The following ITPR2 variants were observed in gnomAD, a reference collection of about 807,000 sequenced individuals.
ITPR2 encodes the protein inositol 1,4,5-trisphosphate receptor type 2, also known as inositol 1,4,5-trisphosphate-gated calcium channel ITPR2.
Under a neutral mutation model 317.1 loss-of-function variants are expected in ITPR2, and 207 were observed. The observed-to-expected ratio is 0.65, with a 90% CI of 0.58 to 0.73. The LOEUF is 0.73. ITPR2 is among the 30% of genes least tolerant of loss of function. The probability of loss-of-function intolerance (pLI) is 0.00; values close to 1 mark genes in which losing one functional copy is unlikely to be tolerated. For missense variants in ITPR2, 2,613 were observed against 3,284.0 expected (o/e 0.80, Z 4.99); for synonymous variants, 1,156 against 1,149.1 (o/e 1.01, Z -0.12).
At chr12:26,661,828 G>A (rs1057324160) in intron 15 of ITPR2, among the ~76,000 whole-genome samples, 3 of 152,210 alleles carry the variant, frequency 2.0e-5, no homozygotes, top group Middle Eastern at 3.4e-3. Flanking sequence ...CCGATACTGG[G>A]AGCATCCCCT....
chr12:26,486,424 A>AC (rs1386253723), intron 40 of ITPR2, 64 bp from the exon 41 acceptor site: 14 of 1,358,696 alleles, frequency 1.0e-5, no homozygotes, highest in East Asian at 2.3e-5. Flanking sequence ...AAAAAAAAAA[A>AC]AACAAACCAG....
At chr12:26,372,279 C>T (rs1939209101) in intron 55 of ITPR2, among the ~76,000 whole-genome samples, 1 of 152,108 alleles carries the variant, frequency 6.6e-6, no homozygotes, top group South Asian at 2.1e-4. Flanking sequence ...TTATCCATTG[C>T]CCTAGATCAT....
chr12:26,687,807 C>T (rs553890399), intron 10 of ITPR2, among the ~76,000 whole-genome samples: 7 of 152,102 alleles, frequency 4.6e-5, no homozygotes, highest in Non-Finnish European at 8.8e-5. Flanking sequence ...AGGTAGCTCC[C>T]GTCATCTTTG....
At chr12:26,702,979 T>C (rs1350816192) in intron 9 of ITPR2, among the ~76,000 whole-genome samples, 1 of 152,240 alleles carries the variant, frequency 6.6e-6, no homozygotes, top group Non-Finnish European at 1.5e-5. Context: ...ATTTCCAGCA[T>C]ATCAAATGGT....
chr12:26,474,134 A>G (rs544629599), intron 45 of ITPR2, among the ~76,000 whole-genome samples: 1 of 152,366 alleles, frequency 6.6e-6, no homozygotes, highest in South Asian at 2.1e-4. Flanking sequence ...AAAAGGGCAT[A>G]AGAAATGTCT....
Position 26,742,233 on chromosome 12 carries a change from G to A in ITPR2, c.164-16468C>T, listed in dbSNP as rs556230056. ...ATCACAGCCCATTGATTGGATAAGC[G>A]ATAAATAAATAGTGGTATGGTCACA... is the stretch of plus-strand genomic sequence containing the variant. On this transcript the variant is annotated intron_variant, in intron 2 of 56. Coordinates refer to ENST00000381340, the MANE Select transcript of ITPR2 (RefSeq NM_002223.4). Among the ~76,000 whole-genome samples, 12 of 152,290 alleles carry A rather than the reference G, an allele frequency of 7.9e-5. No individual in the cohort carries two copies. In the South Asian group the frequency reaches 1.5e-3, roughly 18 times the overall value.
At chr12:26,554,677 T>C (rs965742549) in intron 36 of ITPR2, among the ~76,000 whole-genome samples, 18 of 152,228 alleles carry the variant, frequency 1.2e-4, no homozygotes, top group African/African-American at 3.4e-4. Context: ...ATTTACTGAA[T>C]TTAACAGGTT....
intron 55 of ITPR2, among the ~76,000 whole-genome samples, chr12:26,358,999 C>T (rs1938732858): frequency 2.0e-5 from 3 of 152,238 alleles, no homozygotes; most frequent in Admixed American, 2.0e-4. Flanking sequence ...ACTTTCATCC[C>T]TTTCTGCTCC....
intron 37 of ITPR2, among the ~76,000 whole-genome samples, chr12:26,500,105 T>C (rs979892873): frequency 1.3e-5 from 2 of 152,262 alleles, no homozygotes; most frequent in Non-Finnish European, 2.9e-5. Flanking sequence ...TCTTGTCAAC[T>C]ATCCAGTTCT....
intron 37 of ITPR2, among the ~76,000 whole-genome samples, chr12:26,539,885 A>T (rs771643123): frequency 3.3e-5 from 5 of 152,256 alleles, no homozygotes; most frequent in Non-Finnish European, 5.9e-5. Flanking sequence ...GGATAGGACT[A>T]GGGAAGGTCA....
intron 21 of ITPR2, among the ~76,000 whole-genome samples, chr12:26,644,570 G>A (rs189400039): frequency 1.2e-4 from 19 of 152,260 alleles, no homozygotes; most frequent in Admixed American, 3.9e-4. Flanking sequence ...GCAAAGGAGG[G>A]GCAAAGTCAT....
Position 26,682,564 on chromosome 12 carries a change from T to C in ITPR2, c.1248+10A>G, listed in dbSNP as rs371854490. On this transcript the variant is annotated intron_variant, in intron 12 of 56. Transcript: ENST00000381340. ...TGGCTGAAAATTAAACCATCTTCAG[T>C]GACATTTACCTTTAACATAACAGGC... 1.9e-6 allele frequency: 3 copies of C among 1,552,008 alleles called. No individual in the cohort carries two copies. Among genetic ancestry groups the C allele is most frequent in the Non-Finnish European group, 2.7e-6 (3 of 1,129,442 alleles).
At chr12:26,751,391 T>C (rs1949413498) in intron 2 of ITPR2, among the ~76,000 whole-genome samples, 1 of 152,138 alleles carries the variant, frequency 6.6e-6, no homozygotes, top group Non-Finnish European at 1.5e-5. Context: ...AGAACTACTT[T>C]TACAGTTACT....
intron 2 of ITPR2, among the ~76,000 whole-genome samples, chr12:26,765,949 T>G (rs1949712113): frequency 6.6e-6 from 1 of 152,176 alleles, no homozygotes; most frequent in Admixed American, 6.5e-5. Flanking sequence ...CCAAGGCTGA[T>G]CTATGTTGTA....
intron 37 of ITPR2, among the ~76,000 whole-genome samples, chr12:26,497,191 T>G (rs1263840534): frequency 6.7e-6 from 1 of 149,258 alleles, no homozygotes; most frequent in Non-Finnish European, 1.5e-5. Flanking sequence ...TCTCGCTCTG[T>G]GGCCCAGGCT....
intron 51 of ITPR2, among the ~76,000 whole-genome samples, chr12:26,414,709 C>T (rs937718019): frequency 7.2e-5 from 11 of 152,182 alleles, no homozygotes; most frequent in African/African-American, 1.2e-4. Context: ...TATAAATGGA[C>T]GGTGCCTAAC....
At chr12:26,460,924 C>T (rs1295527452) in intron 45 of ITPR2, among the ~76,000 whole-genome samples, 1 of 152,276 alleles carries the variant, frequency 6.6e-6, no homozygotes, top group East Asian at 1.9e-4. Flanking sequence ...CCATTTCCCC[C>T]ACTTCTCCCT....
intron 37 of ITPR2, among the ~76,000 whole-genome samples, chr12:26,527,110 A>T (rs926838296): frequency 2.6e-5 from 4 of 152,334 alleles, no homozygotes; most frequent in African/African-American, 9.6e-5. Context: ...GTTTACAATC[A>T]TCCCAAACCT....
At chr12:26,423,723 A>G (rs553865536) in intron 49 of ITPR2, among the ~76,000 whole-genome samples, 46 of 152,204 alleles carry the variant, frequency 3.0e-4, no homozygotes, top group Non-Finnish European at 1.5e-4. Flanking sequence ...AGAATAATAT[A>G]TTAATTTCTA....
Sources: gnomAD v4.1 joint callset for allele counts (sites outside exome capture counted in the v4.1 genomes callset) on GRCh38, gnomAD v4.1.1 for gene constraint, MANE v1.5 for transcripts, NCBI Gene and HGNC (gene_info 2026-07-23, HGNC 2026-07-21) for gene names.